The following SORCS3 variants were observed in gnomAD, a reference collection of about 807,000 sequenced individuals.
SORCS3 encodes the protein sortilin related VPS10 domain containing receptor 3.
Under a neutral mutation model 146.3 loss-of-function variants are expected in SORCS3, and 57 were observed. That is an observed-to-expected ratio of 0.39 (90% CI 0.31 to 0.49). SORCS3 has a LOEUF of 0.49. Among genes scored for constraint, SORCS3 ranks in the 20% least tolerant of loss-of-function variants. The pLI is 0.92. For missense variants in SORCS3, 1,341 were observed against 1,575.5 expected (o/e 0.85, Z 2.52); for synonymous variants, 653 against 618.5 (o/e 1.06, Z -0.83).
At position 104,751,924 on chromosome 10, in the gene SORCS3, C is replaced by T. The variant is rs535617313; in HGVS notation, c.628-90868C>T. ...AAAAAATGTAAATGCTAATAGGAAG[C>T]ATATATATATATATATATATATATA... On this transcript the variant is annotated intron_variant, in intron 1 of 26. Coordinates refer to ENST00000369701, the MANE Select transcript of SORCS3 (RefSeq NM_014978.3). Among the ~76,000 whole-genome samples, 337 of 38,440 alleles carry T rather than the reference C, an allele frequency of 8.8e-3. 5 individuals are homozygous for T. Among genetic ancestry groups the T allele is most frequent in the Middle Eastern group, 0.056 (2 of 36 alleles). The allele number at this position is 38,440 out of a possible 152,430, so 25.2% of individuals were successfully genotyped here.
chr10:105,197,253 G>A (rs190475072), intron 14 of SORCS3, among the ~76,000 whole-genome samples: 13 of 152,284 alleles, frequency 8.5e-5, no homozygotes, highest in Middle Eastern at 3.4e-3. Context: ...GCAGTGTACC[G>A]TCTTAGTCAC....
intron 2 of SORCS3, among the ~76,000 whole-genome samples, chr10:104,862,302 T>C (rs1206254431): frequency 6.6e-6 from 1 of 152,088 alleles, no homozygotes; most frequent in East Asian, 1.9e-4. Context: ...ACACTACCAT[T>C]AGTGTGGCTT....
At chr10:104,809,944 T>C (rs2017722523) in intron 1 of SORCS3, among the ~76,000 whole-genome samples, 1 of 152,222 alleles carries the variant, frequency 6.6e-6, no homozygotes, top group Non-Finnish European at 1.5e-5. Context: ...GATGTAACCA[T>C]GTTGAAGCCT....
At chr10:104,904,043 T>A (rs2018879118) in intron 2 of SORCS3, among the ~76,000 whole-genome samples, 1 of 152,252 alleles carries the variant, frequency 6.6e-6, no homozygotes, top group Non-Finnish European at 1.5e-5. Flanking sequence ...AGATGTAATT[T>A]CTGTTGTAAT....
chr10:104,647,089 C>T (rs947977478), intron 1 of SORCS3, among the ~76,000 whole-genome samples: 1 of 152,156 alleles, frequency 6.6e-6, no homozygotes, highest in Non-Finnish European at 1.5e-5. Flanking sequence ...AACTTGACAG[C>T]TACCATAGCC....
chr10:104,776,148 T>G (rs570142289), intron 1 of SORCS3, among the ~76,000 whole-genome samples: 24 of 150,966 alleles, frequency 1.6e-4, no homozygotes, highest in African/African-American at 4.9e-4. Flanking sequence ...GGGAGGGAGG[T>G]GAAAGGTACT....
chr10:104,988,890 T>C (rs2054977634), intron 4 of SORCS3, among the ~76,000 whole-genome samples: 1 of 152,204 alleles, frequency 6.6e-6, no homozygotes, highest in Admixed American at 6.5e-5. Flanking sequence ...ATTTTTATAA[T>C]CCTAATTAGT....
chr10:104,801,687 C>T (rs1009453264), intron 1 of SORCS3, among the ~76,000 whole-genome samples: 6 of 152,124 alleles, frequency 3.9e-5, no homozygotes, highest in Non-Finnish European at 8.8e-5. Context: ...GGACTTTCAT[C>T]TAGGGATGTA....
intron 5 of SORCS3, among the ~76,000 whole-genome samples, chr10:105,060,235 T>C (rs183129959): frequency 6.6e-6 from 1 of 152,140 alleles, no homozygotes; most frequent in African/African-American, 2.4e-5. Context: ...TGGCGGACAT[T>C]TCAGTCACAG....
At chr10:104,844,291 G>A (rs1028917487) in intron 2 of SORCS3, among the ~76,000 whole-genome samples, 3 of 152,116 alleles carry the variant, frequency 2.0e-5, no homozygotes, top group African/African-American at 7.2e-5. Flanking sequence ...GCACAATGAT[G>A]CTGTGTGATA....
intron 3 of SORCS3, among the ~76,000 whole-genome samples, chr10:104,966,556 A>ACT (rs2054827466): frequency 6.6e-6 from 1 of 152,202 alleles, no homozygotes; most frequent in Non-Finnish European, 1.5e-5. Context: ...AAAACATTGA[A>ACT]CTAGAGTGTT....
chr10:105,151,352 GC>G (rs1488512413), intron 9 of SORCS3, among the ~76,000 whole-genome samples: 1 of 152,144 alleles, frequency 6.6e-6, no homozygotes, highest in Non-Finnish European at 1.5e-5. Flanking sequence ...AGGCATTTAT[GC>G]TATGGGCTAG....
At chr10:104,808,226 A>G (rs961223256) in intron 1 of SORCS3, among the ~76,000 whole-genome samples, 6 of 152,216 alleles carry the variant, frequency 3.9e-5, no homozygotes, top group African/African-American at 1.4e-4. Context: ...GAGTTGGTGA[A>G]GGACATCAGA....
At position 105,158,888 on chromosome 10, in the gene SORCS3, T is replaced by G; in HGVS notation, c.1630-4T>G. On this transcript the variant is annotated splice_polypyrimidine_tract_variant and splice_region_variant and intron_variant, in intron 10 of 26. Transcript: ENST00000369701. ...GAATGAAACTATTTCTTTCTCCATT[T>G]TAGCCCTTCTGTTCCTTACATCTGC... 1 of 1,606,846 alleles carries G rather than the reference T, an allele frequency of 6.2e-7. No homozygotes were observed. Among genetic ancestry groups the G allele is most frequent in the Non-Finnish European group, 8.5e-7 (1 of 1,173,876 alleles).
At chr10:104,981,620 A>G (rs2054931978) in intron 4 of SORCS3, among the ~76,000 whole-genome samples, 1 of 152,206 alleles carries the variant, frequency 6.6e-6, no homozygotes, top group Non-Finnish European at 1.5e-5. Context: ...GGTTTTGAAG[A>G]CAGTGCAATC....
chr10:105,198,470 T>C (rs1454598747), intron 14 of SORCS3, among the ~76,000 whole-genome samples: 1 of 152,172 alleles, frequency 6.6e-6, no homozygotes, highest in Non-Finnish European at 1.5e-5. Flanking sequence ...GCAAAAATGT[T>C]TGATAAGAGA....
At chr10:104,785,199 A>T (rs939933671) in intron 1 of SORCS3, among the ~76,000 whole-genome samples, 1 of 151,198 alleles carries the variant, frequency 6.6e-6, no homozygotes, top group Non-Finnish European at 1.5e-5. Context: ...GTGTAGAAAG[A>T]AGTAGACATG....
intron 4 of SORCS3, among the ~76,000 whole-genome samples, chr10:105,038,514 A>G (rs1036126144): frequency 6.6e-6 from 1 of 152,232 alleles, no homozygotes; most frequent in African/African-American, 2.4e-5. Flanking sequence ...AGATAAATAT[A>G]CACATGGTAA....
intron 5 of SORCS3, among the ~76,000 whole-genome samples, chr10:105,066,155 G>A (rs1362118162): frequency 1.3e-5 from 2 of 152,194 alleles, no homozygotes; most frequent in Admixed American, 1.3e-4. Flanking sequence ...TCATCTGGTG[G>A]AAAAATGCAT....
Sources: allele counts gnomAD v4.1 joint callset (sites outside exome capture counted in the v4.1 genomes callset), GRCh38; gene constraint gnomAD v4.1.1; transcripts MANE v1.5; gene names NCBI Gene and HGNC (gene_info 2026-07-23, HGNC 2026-07-21).